The following SMAD9 variants were observed in gnomAD, a reference collection of about 807,000 sequenced individuals.
SMAD9 encodes the protein SMAD family member 9.
Under a neutral mutation model 46.1 loss-of-function variants are expected in SMAD9, and 36 were observed. The observed-to-expected ratio is 0.78, with a 90% CI of 0.60 to 1.03. The LOEUF is 1.03. Among genes scored for constraint, SMAD9 ranks in the 50% least tolerant of loss-of-function variants. The pLI is 0.00. For synonymous variants in SMAD9, 245 were observed against 237.1 expected, an observed-to-expected ratio of 1.03 and a Z score of -0.31; for missense variants, 572 against 599.8, an observed-to-expected ratio of 0.95 and a Z score of 0.48.
At chr13:36,881,810 A>T (rs1236594286) in intron 1 of SMAD9, among the ~76,000 whole-genome samples, 2 of 152,228 alleles carry the variant, frequency 1.3e-5, no homozygotes, top group African/African-American at 4.8e-5. Flanking sequence ...GCAATGGCTG[A>T]AGAGGGTTAG....
chr13:36,911,362 C>T (rs1358477134), intron 1 of SMAD9, among the ~76,000 whole-genome samples: 1 of 152,036 alleles, frequency 6.6e-6, no homozygotes, highest in Non-Finnish European at 1.5e-5. Context: ...AACCTAAAGC[C>T]CATTGCTTTA....
At chr13:36,900,189 G>T (rs1412427749) in intron 1 of SMAD9, among the ~76,000 whole-genome samples, 2 of 152,056 alleles carry the variant, frequency 1.3e-5, no homozygotes, top group African/African-American at 4.8e-5. Context: ...TTTTTCCAAC[G>T]TTCTTCATGT....
intron 2 of SMAD9, among the ~76,000 whole-genome samples, chr13:36,873,478 A>G (rs956498117): frequency 1.3e-5 from 2 of 152,232 alleles, no homozygotes; most frequent in African/African-American, 2.4e-5. Context: ...AAAACATTCT[A>G]TGTGTCCTTA....
intron 1 of SMAD9, among the ~76,000 whole-genome samples, chr13:36,915,064 A>C (rs538823111): frequency 6.6e-6 from 1 of 152,352 alleles, no homozygotes; most frequent in East Asian, 1.9e-4. Flanking sequence ...CCATAGATTA[A>C]AGCAGTCATT....
At chr13:36,850,234 G>A (rs989416465) in intron 6 of SMAD9, among the ~76,000 whole-genome samples, 69 of 152,156 alleles carry the variant, frequency 4.5e-4, no homozygotes, top group African/African-American at 1.6e-3. Context: ...GTCTTTTCTC[G>A]GCTTCCAAAG....
chr13:36,879,186 G>T (rs2058376203), intron 2 of SMAD9, 92 bp downstream of exon 2: 7 of 1,124,466 alleles, frequency 6.2e-6, no homozygotes, highest in African/African-American at 4.6e-5. Context: ...TTTGGGAGAG[G>T]TCCCTGTCTG....
At chr13:36,849,988 T>C (rs1270196012) in intron 6 of SMAD9, 3 of 152,246 alleles carry the variant, frequency 2.0e-5, no homozygotes, top group South Asian at 2.1e-4. Flanking sequence ...TATGTTTTTA[T>C]CCCATTTCTG....
At chr13:36,890,716 G>A (rs988420390) in intron 1 of SMAD9, among the ~76,000 whole-genome samples, 2 of 151,972 alleles carry the variant, frequency 1.3e-5, no homozygotes, top group African/African-American at 4.8e-5. Flanking sequence ...TTTAAACTCT[G>A]ATGCCTGCTT....
chr13:36,918,072 C>T (rs2138731783), intron 1 of SMAD9, among the ~76,000 whole-genome samples: 1 of 152,230 alleles, frequency 6.6e-6, no homozygotes, highest in South Asian at 2.1e-4. Flanking sequence ...ACTCTTCTTT[C>T]TCATCCATGT....
chr13:36,872,068 C>G (rs1038414838), intron 3 of SMAD9, among the ~76,000 whole-genome samples: 6 of 152,140 alleles, frequency 3.9e-5, no homozygotes, highest in Non-Finnish European at 8.8e-5. Context: ...GCAATTATGA[C>G]AGCATGCTAG....
At chr13:36,870,663 T>C (rs2058283820) in intron 3 of SMAD9, among the ~76,000 whole-genome samples, 1 of 152,252 alleles carries the variant, frequency 6.6e-6, no homozygotes, top group Non-Finnish European at 1.5e-5. Context: ...CCCCAGTGGC[T>C]ACCTGAAGTT....
At chr13:36,909,751 A>G (rs1471133896) in intron 1 of SMAD9, among the ~76,000 whole-genome samples, 2 of 152,250 alleles carry the variant, frequency 1.3e-5, no homozygotes, top group Non-Finnish European at 2.9e-5. Flanking sequence ...AACAATAGTC[A>G]CTACCTTTTG....
At chr13:36,882,881 T>C (rs541260095) in intron 1 of SMAD9, among the ~76,000 whole-genome samples, 3 of 152,202 alleles carry the variant, frequency 2.0e-5, no homozygotes, top group Non-Finnish European at 4.4e-5. Flanking sequence ...GGAGGATCAC[T>C]TGAGCCCAGA....
intron 1 of SMAD9, among the ~76,000 whole-genome samples, chr13:36,911,384 C>T (rs2058659826): frequency 6.6e-6 from 1 of 152,098 alleles, no homozygotes; most frequent in African/African-American, 2.4e-5. Flanking sequence ...TAACGCAATA[C>T]AATAAATTTC....
intron 1 of SMAD9, among the ~76,000 whole-genome samples, chr13:36,896,344 G>A (rs1361865745): frequency 6.6e-6 from 1 of 151,816 alleles, no homozygotes; most frequent in Non-Finnish European, 1.5e-5. Context: ...TGTTTCCTAG[G>A]CTGGTTTCGA....
At chr13:36,873,390 A>G (rs1412869746) in intron 2 of SMAD9, among the ~76,000 whole-genome samples, 1 of 152,182 alleles carries the variant, frequency 6.6e-6, no homozygotes, top group Non-Finnish European at 1.5e-5. Context: ...GATCCCCAGA[A>G]TATTTTTCCT....
chr13:36,844,871 G>T lies in SMAD9; in HGVS notation c.*3805C>A, dbSNP rs1268201548. The T allele has an allele frequency of 6.6e-6, 1 of 151,652 alleles. No homozygotes were observed. Among genetic ancestry groups the T allele is most frequent in the African/African-American group, 2.4e-5 (1 of 41,156 alleles). The allele number at this position is 151,652 out of a possible 1,614,324, so 9.4% of individuals were successfully genotyped here. A position where few individuals can be genotyped will look rare whatever the true frequency, so the allele number is the denominator to read the frequency against. ...CTTTATTATAAACAATCAGATAACA[G>T]TATAAGTGTGCATTTGATGGATAAC... On this transcript the variant is annotated 3_prime_UTR_variant, in exon 7 of 7. Transcript: ENST00000379826.
intron 1 of SMAD9, among the ~76,000 whole-genome samples, chr13:36,900,248 A>ATT (rs1458502271): frequency 1.3e-5 from 2 of 152,034 alleles, no homozygotes; most frequent in East Asian, 3.9e-4. Context: ...CTTTACTCAA[A>ATT]TATCTTAGTG....
At chr13:36,902,014 T>C (rs903924848) in intron 1 of SMAD9, among the ~76,000 whole-genome samples, 2 of 152,248 alleles carry the variant, frequency 1.3e-5, no homozygotes, top group Non-Finnish European at 2.9e-5. Flanking sequence ...TGAAATCTTT[T>C]TCTTTTGTTA....
Sources: gnomAD v4.1 joint callset for allele counts (sites outside exome capture counted in the v4.1 genomes callset) on GRCh38, gnomAD v4.1.1 for gene constraint, MANE v1.5 for transcripts, NCBI Gene and HGNC (gene_info 2026-07-23, HGNC 2026-07-21) for gene names.